The following CMSS1 variants were observed in gnomAD, a reference collection of about 807,000 sequenced individuals.
The protein encoded by CMSS1 is cms1 ribosomal small subunit homolog, also known as protein CMSS1.
Under a neutral mutation model 43.5 loss-of-function variants are expected in CMSS1, and 33 were observed. The ratio of observed to expected loss-of-function variants is 0.76; its 90% CI spans 0.57 to 1.01. The LOEUF is 1.01. Ranked by LOEUF, CMSS1 falls within the 50% of genes least tolerant of loss-of-function variation. The pLI, the probability that CMSS1 is intolerant of heterozygous loss-of-function variation, is 0.00. For synonymous variants in CMSS1, 115 were observed against 117.2 expected, an observed-to-expected ratio of 0.98 and a Z score of 0.12; for missense variants, 313 against 326.4, an observed-to-expected ratio of 0.96 and a Z score of 0.32.
chr3:100,081,032 G>A (rs919298309), intron 1 of CMSS1, among the ~76,000 whole-genome samples: 3 of 152,184 alleles, frequency 2.0e-5, no homozygotes, highest in African/African-American at 7.2e-5. Flanking sequence ...AGCATCTTGT[G>A]TAATGAAGGT....
intron 1 of CMSS1, among the ~76,000 whole-genome samples, chr3:99,831,125 G>T (rs1317688590): frequency 6.6e-6 from 1 of 152,162 alleles, no homozygotes; most frequent in African/African-American, 2.4e-5. Context: ...GGCAGTCAAG[G>T]ATATTTGATT....
chr3:99,827,755 G>A (rs75283147), intron 1 of CMSS1, among the ~76,000 whole-genome samples: 16 of 152,066 alleles, frequency 1.1e-4, no homozygotes, highest in Admixed American at 3.9e-4. Context: ...ACAGGCATGC[G>A]CCACCATGCC....
intron 1 of CMSS1, among the ~76,000 whole-genome samples, chr3:99,941,812 G>T (rs761996951): frequency 2.6e-5 from 4 of 152,068 alleles, no homozygotes; most frequent in Non-Finnish European, 4.4e-5. Context: ...CTATTATATT[G>T]TTTTCATATT....
chr3:99,990,072 T>G (rs1709467781), intron 1 of CMSS1, among the ~76,000 whole-genome samples: 1 of 152,186 alleles, frequency 6.6e-6, no homozygotes, highest in Non-Finnish European at 1.5e-5. Flanking sequence ...TGTTTGCCGC[T>G]TTGTGTTTGT....
In CMSS1 at chr3:100,180,615, C is replaced by CCT. The variant is rs1311242026; in HGVS notation, c.*2229_*2230dup. 1 of 152,550 alleles carries CCT rather than the reference C, an allele frequency of 6.6e-6. No homozygotes were observed. The highest frequency in any genetic ancestry group is 1.9e-4 in the East Asian group (1 of 5,196). 9.4% of individuals were successfully genotyped at this position (152,550 alleles called of 1,614,324 possible). A position where few individuals can be genotyped will look rare whatever the true frequency, so the allele number is the denominator to read the frequency against. Reference sequence around the variant, plus strand: ...AGTTCCTCATCTCCATTTGAGACCACCTCAGCCTGGACTTCATTGTCCATA... The same window carrying CCT: ...AGTTCCTCATCTCCATTTGAGACCACCTCTCAGCCTGGACTTCATTGTCCATA... On this transcript the variant is annotated 3_prime_UTR_variant, in exon 10 of 10. Coordinates refer to ENST00000421999, the MANE Select transcript of CMSS1 (RefSeq NM_032359.4).
chr3:99,847,224 C>CA (rs749004894), intron 1 of CMSS1, among the ~76,000 whole-genome samples: 2,063 of 142,284 alleles, frequency 0.014, 24 homozygotes, highest in East Asian at 0.031. Flanking sequence ...GAGGTTAAAA[C>CA]AAAAAAAAAA....
At chr3:99,974,144 TGCTTGTA>T (rs1708900888) in intron 1 of CMSS1, among the ~76,000 whole-genome samples, 1 of 152,210 alleles carries the variant, frequency 6.6e-6, no homozygotes, top group Admixed American at 6.5e-5. Flanking sequence ...TCCTTCTAAT[TGCTTGTA>T]GGTATTGGAC....
chr3:100,060,169 A>C (rs1411276476), intron 1 of CMSS1, among the ~76,000 whole-genome samples: 1 of 152,068 alleles, frequency 6.6e-6, no homozygotes, highest in African/African-American at 2.4e-5. Flanking sequence ...TGCCAGACTG[A>C]AGAGGTTGAG....
At chr3:99,940,264 G>T (rs372753165) in intron 1 of CMSS1, among the ~76,000 whole-genome samples, 29 of 152,210 alleles carry the variant, frequency 1.9e-4, no homozygotes, top group African/African-American at 7.0e-4. Flanking sequence ...TCCAAGTTAG[G>T]TTTAAATGCA....
chr3:100,125,246 A>G (rs1383140579), intron 1 of CMSS1, among the ~76,000 whole-genome samples: 3 of 152,130 alleles, frequency 2.0e-5, no homozygotes, highest in African/African-American at 4.8e-5. Context: ...ACATAACTCA[A>G]TTTCTTCAGT....
intron 1 of CMSS1, among the ~76,000 whole-genome samples, chr3:99,918,371 C>A (rs1707021385): frequency 6.6e-6 from 1 of 152,190 alleles, no homozygotes; most frequent in South Asian, 2.1e-4. Flanking sequence ...CAGACTGCCA[C>A]TATCTCTAAG....
At chr3:99,971,694 T>G (rs1227174923) in intron 1 of CMSS1, among the ~76,000 whole-genome samples, 1 of 152,162 alleles carries the variant, frequency 6.6e-6, no homozygotes, top group African/African-American at 2.4e-5. Context: ...GACCTCACAC[T>G]GTGGACTCAC....
chr3:100,079,881 G>A (rs953058042), intron 1 of CMSS1, among the ~76,000 whole-genome samples: 2 of 151,762 alleles, frequency 1.3e-5, no homozygotes, highest in Admixed American at 1.3e-4. Context: ...AATAAACATA[G>A]ATGTTGGGAT....
chr3:99,924,463 T>C (rs1019025233), intron 1 of CMSS1: 78 of 1,507,900 alleles, frequency 5.2e-5, no homozygotes, highest in Non-Finnish European at 7.0e-5. Flanking sequence ...ACTGTTGTCT[T>C]TCACTCTTTT....
intron 1 of CMSS1, among the ~76,000 whole-genome samples, chr3:99,823,928 T>TC (rs1435079739): frequency 6.0e-5 from 9 of 150,014 alleles, no homozygotes; most frequent in African/African-American, 1.9e-4. Context: ...TTTCTTTCTT[T>TC]TTTTTTTTTT....
At chr3:99,960,694 G>A (rs1041396943) in intron 1 of CMSS1, among the ~76,000 whole-genome samples, 3 of 152,112 alleles carry the variant, frequency 2.0e-5, no homozygotes, top group Admixed American at 6.5e-5. Flanking sequence ...GGGATTGAGG[G>A]GAGGAACACT....
intron 1 of CMSS1, among the ~76,000 whole-genome samples, chr3:99,968,602 G>A (rs1274797444): frequency 2.0e-5 from 3 of 151,998 alleles, no homozygotes; most frequent in African/African-American, 7.3e-5. Flanking sequence ...TGCACAAGGA[G>A]AATATATAGA....
chr3:99,832,789 G>A (rs1448538394), intron 1 of CMSS1, among the ~76,000 whole-genome samples: 1 of 142,108 alleles, frequency 7.0e-6, no homozygotes, highest in Non-Finnish European at 1.5e-5. Context: ...GCAGTGAGCC[G>A]AGATCATAGC....
rs746255036 is a variant in CMSS1, at chr3:99,832,543, TA to T, written c.64+14517del. Among the ~76,000 whole-genome samples the T allele has an allele frequency of 7.6e-3, 323 of 42,406 alleles. 1 individual carries two copies. The highest frequency in any genetic ancestry group is 0.02 in the African/African-American group (151 of 7,500). 27.8% of individuals were successfully genotyped at this position (42,406 alleles called of 152,430 possible). ...CTGCGCCCAGCCATTCCCAAATCTT[TA>T]AAAAAAAAAAAAAAAAGGCCTAGCG... On this transcript the variant is annotated intron_variant, in intron 1 of 9. Transcript: ENST00000421999.
Sources: allele counts gnomAD v4.1 joint callset (sites outside exome capture counted in the v4.1 genomes callset), GRCh38; gene constraint gnomAD v4.1.1; transcripts MANE v1.5; gene names NCBI Gene and HGNC (gene_info 2026-07-23, HGNC 2026-07-21).